Variants in CDH2 observed in about 807,000 individuals in gnomAD.
CDH2 encodes cadherin-2.
A neutral mutation model predicts 92.0 loss-of-function variants in CDH2; 17 were observed. The ratio of observed to expected loss-of-function variants is 0.18; its 90% CI spans 0.13 to 0.28. The LOEUF is 0.28. CDH2 is among the 10% of genes least tolerant of loss of function. The probability of loss-of-function intolerance (pLI) is 1.00; values close to 1 mark genes in which losing one functional copy is unlikely to be tolerated. For missense variants in CDH2, 862 were observed against 1,133.1 expected (o/e 0.76, Z 3.44); for synonymous variants, 419 against 415.9 (o/e 1.01, Z -0.09).
intron 2 of CDH2, among the ~76,000 whole-genome samples, chr18:28,109,502 CCT>C (rs1353146183): frequency 6.6e-6 from 1 of 152,138 alleles, no homozygotes; most frequent in Non-Finnish European, 1.5e-5. Flanking sequence ...TTTGGCCACA[CCT>C]CTGTTACATT....
intron 14 of CDH2, among the ~76,000 whole-genome samples, chr18:27,972,524 A>G (rs1371466100): frequency 1.3e-5 from 2 of 152,222 alleles, no homozygotes; most frequent in Non-Finnish European, 1.5e-5. Context: ...AAACTAAGAG[A>G]GTAGCACAGT....
chr18:28,153,704 G>A (rs1429905943), intron 1 of CDH2, among the ~76,000 whole-genome samples: 4 of 152,194 alleles, frequency 2.6e-5, no homozygotes, highest in African/African-American at 9.6e-5. Context: ...TGTACAACAA[G>A]AGTACTAAAG....
At chr18:28,045,473 T>C (rs560902622) in intron 2 of CDH2, 1 of 464,050 alleles carries the variant, frequency 2.2e-6, no homozygotes, top group Non-Finnish European at 4.5e-6. Context: ...AATTCTCTCA[T>C]CATGGTCTTG....
chr18:27,984,298 C>A (rs2957285), intron 13 of CDH2, among the ~76,000 whole-genome samples: 1 of 152,192 alleles, frequency 6.6e-6, no homozygotes, highest in African/African-American at 2.4e-5. Context: ...CAATAAAACA[C>A]AGGGCCCAGG....
intron 2 of CDH2, among the ~76,000 whole-genome samples, chr18:28,134,800 C>A (rs2015834321): frequency 6.6e-6 from 1 of 152,124 alleles, no homozygotes. Flanking sequence ...AGAAACCAAG[C>A]AAAGTTGTGT....
intron 2 of CDH2, among the ~76,000 whole-genome samples, chr18:28,067,302 C>T (rs2144159063): frequency 6.6e-6 from 1 of 152,176 alleles, no homozygotes; most frequent in African/African-American, 2.4e-5. Context: ...ATTACCACAA[C>T]CAATTTTAGA....
intron 2 of CDH2, among the ~76,000 whole-genome samples, chr18:28,126,912 G>A (rs756182906): frequency 4.6e-5 from 7 of 152,110 alleles, no homozygotes; most frequent in Admixed American, 2.6e-4. Flanking sequence ...TGGTGCAGCC[G>A]GGACGCATCA....
intron 2 of CDH2, among the ~76,000 whole-genome samples, chr18:28,143,910 C>T (rs2015993754): frequency 6.6e-6 from 1 of 151,962 alleles, no homozygotes; most frequent in South Asian, 2.1e-4. Context: ...GAAAACCAAA[C>T]ACTGAATGTC....
At chr18:28,145,255 T>C (rs1231448172) in intron 2 of CDH2, among the ~76,000 whole-genome samples, 1 of 152,090 alleles carries the variant, frequency 6.6e-6, no homozygotes, top group African/African-American at 2.4e-5. Flanking sequence ...AGTTAGGAGT[T>C]ACGATTCCAA....
At chr18:27,942,089 A>AT (rs976882689) in intron 6 of CDH2, among the ~76,000 whole-genome samples, 8 of 152,168 alleles carry the variant, frequency 5.3e-5, no homozygotes, top group Admixed American at 1.3e-4. Context: ...GAAAACTTAG[A>AT]TTTTTTATTT....
chr18:27,937,824 T>G (rs1176266459), intron 6 of CDH2, among the ~76,000 whole-genome samples: 1 of 152,212 alleles, frequency 6.6e-6, no homozygotes, highest in African/African-American at 2.4e-5. Flanking sequence ...CAGCTCCAGA[T>G]AGTCAGAAAA....
chr18:28,097,999 T>C (rs1413796051), intron 2 of CDH2, among the ~76,000 whole-genome samples: 1 of 152,194 alleles, frequency 6.6e-6, no homozygotes, highest in Non-Finnish European at 1.5e-5. Flanking sequence ...TTGTATATCC[T>C]GTGTCCCAAA....
intron 1 of CDH2, among the ~76,000 whole-genome samples, chr18:28,157,391 T>C (rs998154208): frequency 3.3e-5 from 5 of 152,234 alleles, no homozygotes; most frequent in Non-Finnish European, 5.9e-5. Context: ...CATGCTACAA[T>C]GCTTTCCATG....
intron 2 of CDH2, among the ~76,000 whole-genome samples, chr18:28,067,562 T>C (rs1599075084): frequency 6.6e-6 from 1 of 152,256 alleles, no homozygotes; most frequent in Admixed American, 6.5e-5. Context: ...GTATCAGTAC[T>C]TCATTCCTGT....
At chr18:28,115,302 A>G (rs1275039907) in intron 2 of CDH2, among the ~76,000 whole-genome samples, 2 of 152,142 alleles carry the variant, frequency 1.3e-5, no homozygotes, top group Non-Finnish European at 2.9e-5. Flanking sequence ...GCCTTGTGGG[A>G]AGTGGGGCAT....
chr18:28,177,057 AGGCGGC>A lies in CDH2; in HGVS notation c.-41_-36del, dbSNP rs3833200. On this transcript the variant is annotated 5_prime_UTR_variant, in exon 1 of 16. Coordinates refer to ENST00000269141, the MANE Select transcript of CDH2 (RefSeq NM_001792.5). ...GAGGGGCCGAGCGAAGAGCCGGAGG[AGGCGGC>A]GGCGGCGGCGGCGGCGGCGGAGGAG... 0.032 allele frequency: 41,102 copies of A among 1,301,538 alleles called. 936 individuals are homozygous for A. The highest frequency in any genetic ancestry group is 0.071 in the African/African-American group (4,490 of 63,022). The allele number at this position is 1,301,538 out of a possible 1,614,324, so 80.6% of individuals were successfully genotyped here. A position where few individuals can be genotyped will look rare whatever the true frequency, so the allele number is the denominator to read the frequency against.
chr18:27,947,834 TA>T (rs991704102), downstream of CDH2, among the ~76,000 whole-genome samples: 1 of 151,948 alleles, frequency 6.6e-6, no homozygotes, highest in African/African-American at 2.4e-5. Flanking sequence ...GTATGTGATA[TA>T]AGTGTGTATA....
intron 1 of CDH2, among the ~76,000 whole-genome samples, chr18:28,168,924 G>C (rs571284887): frequency 6.6e-6 from 1 of 152,074 alleles, no homozygotes; most frequent in African/African-American, 2.4e-5. Context: ...GGAGAAACCC[G>C]TATGCTTTGT....
chr18:28,165,957 T>A (rs1042172954), intron 1 of CDH2, among the ~76,000 whole-genome samples: 14 of 151,280 alleles, frequency 9.3e-5, no homozygotes, highest in Non-Finnish European at 1.9e-4. Context: ...GGGGACAAAA[T>A]AAAGCAAGAC....
Sources: gnomAD v4.1 joint callset for allele counts (sites outside exome capture counted in the v4.1 genomes callset) on GRCh38, gnomAD v4.1.1 for gene constraint, MANE v1.5 for transcripts, NCBI Gene and HGNC (gene_info 2026-07-23, HGNC 2026-07-21) for gene names.